The following PAX6 variants were observed in gnomAD, a reference collection of about 807,000 sequenced individuals.
The protein encoded by PAX6 is paired box 6.
Under a neutral mutation model 60.7 loss-of-function variants are expected in PAX6, and 7 were observed. The observed-to-expected ratio is 0.12, with a 90% confidence interval of 0.07 to 0.22. The LOEUF (loss-of-function observed/expected upper bound fraction) is 0.22. Among genes scored for constraint, PAX6 ranks in the 10% least tolerant of loss-of-function variants. The probability of loss-of-function intolerance (pLI) is 1.00; values close to 1 mark genes in which losing one functional copy is unlikely to be tolerated. For missense variants in PAX6, 355 were observed against 555.2 expected, an observed-to-expected ratio of 0.64 and a Z score of 3.62; for synonymous variants, 208 against 201.2, an observed-to-expected ratio of 1.03 and a Z score of -0.29.
At chr11:31,806,657 G>A (rs1955884718) in intron 3 of PAX6, 192 bp downstream of exon 3, 2 of 567,226 alleles carry the variant, frequency 3.5e-6, no homozygotes, top group African/African-American at 1.9e-5. Context: ...TTTGGGGCTT[G>A]AAACAAAGTA....
upstream of PAX6, chr11:31,814,307 T>C (rs1456743290): frequency 6.6e-6 from 1 of 152,076 alleles, no homozygotes; most frequent in Admixed American, 6.5e-5. Flanking sequence ...TATTGATGCG[T>C]CAACATGAGG....
chr11:31,803,488 G>A (rs1446294612), intron 4 of PAX6: 1 of 153,528 alleles, frequency 6.5e-6, no homozygotes. Context: ...CAAGCATCGA[G>A]TTGGGTTTTG....
chr11:31,792,795 TC>T (rs1233582045), intron 12 of PAX6: 1 of 195,646 alleles, frequency 5.1e-6, no homozygotes. Flanking sequence ...GCATCAAGCT[TC>T]CCAGGCAGCT....
chr11:31,793,887 C>G (rs1462532259), intron 10 of PAX6, 85 bp from the exon 11 acceptor site: 1 of 1,485,600 alleles, frequency 6.7e-7, no homozygotes, highest in East Asian at 2.3e-5. Context: ...CCTCCCCACG[C>G]CCATGGCAGC....
In PAX6 at chr11:31,790,026, G is replaced by A. The variant is rs1167365776; in HGVS notation, c.1226-7C>T. ...ACACCAGGGGAAATGAGTCCTAGAA[G>A]TGGATGAAAGAAATAGCCATGTAGA... is the stretch of plus-strand genomic sequence containing the variant. On this transcript the variant is annotated splice_polypyrimidine_tract_variant and splice_region_variant and intron_variant, in intron 13 of 13. Transcript: ENST00000640368. The A allele has an allele frequency of 2.0e-5, 30 of 1,532,258 alleles. No homozygotes were observed. The highest frequency in any genetic ancestry group is 2.6e-5 in the Non-Finnish European group (29 of 1,134,334). The allele number at this position is 1,532,258 out of a possible 1,614,324, so 94.9% of individuals were successfully genotyped here.
At chr11:31,790,540 TAA>T (rs1174496031) in intron 13 of PAX6, 168 bp downstream of exon 13, 1 of 958,188 alleles carries the variant, frequency 1.0e-6, no homozygotes, top group Non-Finnish European at 1.2e-6. Context: ...CTATATGGTG[TAA>T]AGTTACTAAT....
upstream of PAX6, among the ~76,000 whole-genome samples, chr11:31,813,886 C>T (rs1957248916): frequency 6.6e-6 from 1 of 152,124 alleles, no homozygotes. Flanking sequence ...TGGGGAGCCT[C>T]ACTCCCTCTG....
rs1226177065 is a variant in PAX6 at position 31,817,320 on chromosome 11, C to T, written c.-317+489G>A. On this transcript the variant is annotated intron_variant, in intron 1 of 12. Transcript: ENST00000241001. Reference sequence around the variant, plus strand: ...CTTTGTTGCGGTCCAGCCATCTGCACTTTGCAACCGCGGGAAACTTCTGCT... The same window carrying T: ...CTTTGTTGCGGTCCAGCCATCTGCATTTTGCAACCGCGGGAAACTTCTGCT... Among the ~76,000 whole-genome samples, 3 of 152,268 alleles carry T rather than the reference C, an allele frequency of 2.0e-5. No individual in the cohort carries two copies. The South Asian group carries it at 6.2e-4, about 31-fold the overall frequency.
At chr11:31,815,508 G>T (rs114777244), upstream of PAX6, among the ~76,000 whole-genome samples, 1,789 of 152,234 alleles carry the variant, frequency 0.012, 42 homozygotes, top group African/African-American at 0.039. Flanking sequence ...GGCTTTACTG[G>T]GGGATTTGAG....
At chr11:31,814,990 G>GTCTCCCTCTCTCTCTCTCTCTC (rs1957306273), upstream of PAX6, 1 of 130,368 alleles carries the variant, frequency 7.7e-6, no homozygotes, top group Non-Finnish European at 1.6e-5. Context: ...AGGCCAGCCT[G>GTCTCCCTCTCTCTCTCTCTCTC]TCTCTCTCTC....
chr11:31,801,396 A>G (rs909271252), intron 7 of PAX6, 165 bp downstream of exon 7: 50 of 1,512,830 alleles, frequency 3.3e-5, no homozygotes, highest in Non-Finnish European at 4.3e-5. Context: ...ACAGTCAAAG[A>G]AAAGTCAGGG....
upstream of PAX6, among the ~76,000 whole-genome samples, chr11:31,813,950 A>G (rs1957252045): frequency 6.6e-6 from 1 of 152,040 alleles, no homozygotes; most frequent in East Asian, 1.9e-4. Context: ...GCCGAGACTG[A>G]GGTGCGGGCG....
At position 31,801,787 on chromosome 11, in the gene PAX6, G is replaced by A. The variant is rs1953995988; in HGVS notation, c.184-11C>T. On this transcript the variant is annotated splice_polypyrimidine_tract_variant and intron_variant, in intron 6 of 13. Coordinates refer to ENST00000640368, the MANE Select transcript of PAX6 (RefSeq NM_001368894.2). ...ACATCCGTTGGACACCTGCATAGGG[G>A]AAGTGGACAGAAAACCACATTATTA... The A allele has an allele frequency of 6.2e-7, 1 of 1,614,072 alleles. No homozygotes were observed. Among genetic ancestry groups the A allele is most frequent in the East Asian group, 2.2e-5 (1 of 44,902 alleles).
chr11:31,802,641 A>C, intron 5 of PAX6, 63 bp downstream of exon 5: 1 of 1,559,170 alleles, frequency 6.4e-7, no homozygotes, highest in South Asian at 1.2e-5. Flanking sequence ...TAAGAAATGA[A>C]GAGAGGGCGT....
At position 31,789,424 on chromosome 11, in the gene PAX6, G is replaced by C. The variant is rs1313607001; in HGVS notation, c.*510C>G. 2.5e-6 allele frequency: 1 copy of C among 397,892 alleles called. No homozygotes were observed. The highest frequency in any genetic ancestry group is 4.4e-6 in the Non-Finnish European group (1 of 225,696). 24.6% of individuals were successfully genotyped at this position (397,892 alleles called of 1,614,324 possible). A position where few individuals can be genotyped will look rare whatever the true frequency, so the allele number is the denominator to read the frequency against. On this transcript the variant is annotated 3_prime_UTR_variant, in exon 14 of 14. Coordinates refer to ENST00000640368, the MANE Select transcript of PAX6 (RefSeq NM_001368894.2). Reference sequence around the variant, plus strand: ...AACAGATATTTCTGACATAAATCTAGTGCATGTTGTTCCAGGTTTAATTAT... The same window carrying C: ...AACAGATATTTCTGACATAAATCTACTGCATGTTGTTCCAGGTTTAATTAT...
At chr11:31,808,856 C>G (rs1483433274) in intron 2 of PAX6, 2 of 152,278 alleles carry the variant, frequency 1.3e-5, no homozygotes, top group Admixed American at 6.5e-5. Context: ...TCCTGTGCAC[C>G]GGAGAGGTCA....
At chr11:31,798,750 C>T (rs769250225) in intron 8 of PAX6, among the ~76,000 whole-genome samples, 2 of 152,374 alleles carry the variant, frequency 1.3e-5, no homozygotes, top group Middle Eastern at 3.4e-3. Context: ...AGCTCCACCT[C>T]CGGCCCCAAC....
At position 31,789,592 on chromosome 11, in the gene PAX6, CA is replaced by C. The variant is rs1457492416; in HGVS notation, c.*341del. On this transcript the variant is annotated 3_prime_UTR_variant, in exon 14 of 14. Transcript: ENST00000640368. The stretch of plus-strand genomic sequence containing the variant: ...GTTTTCTTTTTAAAAAAAAAAAAAA[CA>C]ACTTCATGACCAACACAGATCAAAC... 1 of 525,744 alleles carries C rather than the reference CA, an allele frequency of 1.9e-6. No individual in the cohort carries two copies. Among genetic ancestry groups the C allele is most frequent in the African/African-American group, 2.0e-5 (1 of 49,714 alleles). 32.6% of individuals were successfully genotyped at this position (525,744 alleles called of 1,614,324 possible). A position where few individuals can be genotyped will look rare whatever the true frequency, so the allele number is the denominator to read the frequency against.
upstream of PAX6, among the ~76,000 whole-genome samples, chr11:31,813,386 G>C (rs377185022): frequency 2.9e-5 from 3 of 102,872 alleles, no homozygotes; most frequent in African/African-American, 1.1e-4. Context: ...ACTTGCGGGG[G>C]GGCGGGGGGG....
Sources: gnomAD v4.1 joint callset for allele counts (sites outside exome capture counted in the v4.1 genomes callset) on GRCh38, gnomAD v4.1.1 for gene constraint, MANE v1.5 for transcripts, NCBI Gene and HGNC (gene_info 2026-07-23, HGNC 2026-07-21) for gene names.